Variants in PDE4D observed in about 807,000 individuals in gnomAD.
PDE4D encodes the protein 3',5'-cyclic-AMP phosphodiesterase 4D.
In PDE4D, 24 loss-of-function variants were observed where a neutral mutation model predicts 87.4. The ratio of observed to expected loss-of-function variants is 0.27; its 90% confidence interval spans 0.20 to 0.39. PDE4D has a LOEUF of 0.39. PDE4D is among the 10% of genes least tolerant of loss of function. The probability of loss-of-function intolerance (pLI) is 1.00; values close to 1 mark genes in which losing one functional copy is unlikely to be tolerated. For synonymous variants in PDE4D, 384 were observed against 383.2 expected (o/e 1.00, Z -0.02); for missense variants, 714 against 1,041.0 (o/e 0.69, Z 4.32).
At chr5:59,539,505 C>T (rs1815911295) in intron 1 of PDE4D, among the ~76,000 whole-genome samples, 1 of 152,076 alleles carries the variant, frequency 6.6e-6, no homozygotes, top group Admixed American at 6.6e-5. Flanking sequence ...ATCTGTCTAC[C>T]CATTTCTCTG....
intron 2 of PDE4D, among the ~76,000 whole-genome samples, chr5:60,129,523 C>A (rs1779396523): frequency 6.6e-6 from 1 of 152,130 alleles, no homozygotes; most frequent in Non-Finnish European, 1.5e-5. Context: ...CCAGGTAGGA[C>A]CAGCTACATG....
intron 1 of PDE4D, among the ~76,000 whole-genome samples, chr5:59,622,385 TAAAAC>T (rs1032200724): frequency 3.3e-5 from 5 of 152,192 alleles, no homozygotes; most frequent in Non-Finnish European, 5.9e-5. Context: ...CATCAAAAAG[TAAAAC>T]AAAACAAACA....
intron 2 of PDE4D, among the ~76,000 whole-genome samples, chr5:60,135,326 A>G (rs909816614): frequency 6.6e-6 from 1 of 152,186 alleles, no homozygotes; most frequent in Non-Finnish European, 1.5e-5. Context: ...TAAGCTACTG[A>G]GTGTATGCTA....
intron 5 of PDE4D, among the ~76,000 whole-genome samples, chr5:59,094,337 A>G (rs1180832727): frequency 6.6e-6 from 1 of 151,940 alleles, no homozygotes; most frequent in East Asian, 1.9e-4. Context: ...GTGTGAACAA[A>G]TCTTCTAGAA....
chr5:59,009,961 C>T (rs2936200), intron 6 of PDE4D, among the ~76,000 whole-genome samples: 151,945 of 152,328 alleles, frequency 1, 75,781 homozygotes, highest in Middle Eastern at 1. Context: ...TCCCAGAAAA[C>T]AGGCATACAG....
At chr5:59,055,162 G>A (rs537401111) in intron 5 of PDE4D, among the ~76,000 whole-genome samples, 1 of 152,244 alleles carries the variant, frequency 6.6e-6, no homozygotes, top group South Asian at 2.1e-4. Context: ...ACTGTGGAGG[G>A]TAGGAGCAGA....
intron 2 of PDE4D, among the ~76,000 whole-genome samples, chr5:59,997,539 A>T: frequency 6.6e-6 from 1 of 152,192 alleles, no homozygotes; most frequent in Middle Eastern, 3.2e-3. Flanking sequence ...GGGTATGTAA[A>T]TCTAGAATAA....
intron 1 of PDE4D, among the ~76,000 whole-genome samples, chr5:59,527,972 C>T (rs1345466853): frequency 3.9e-5 from 6 of 152,184 alleles, no homozygotes; most frequent in Non-Finnish European, 1.5e-5. Context: ...CTCAACTCCT[C>T]AACTCCTTTT....
At chr5:59,231,528 A>C (rs914403838) in intron 1 of PDE4D, among the ~76,000 whole-genome samples, 4 of 152,222 alleles carry the variant, frequency 2.6e-5, no homozygotes, top group African/African-American at 9.6e-5. Flanking sequence ...CGTGACTGAG[A>C]GCAAGGAGAG....
intron 1 of PDE4D, among the ~76,000 whole-genome samples, chr5:59,676,772 T>G (rs570877538): frequency 6.6e-6 from 1 of 152,290 alleles, no homozygotes; most frequent in South Asian, 2.1e-4. Context: ...ATTTTTCATT[T>G]CTTTGGGACT....
At chr5:59,472,798 A>T (rs6450519) in intron 1 of PDE4D, among the ~76,000 whole-genome samples, 23,877 of 152,092 alleles carry the variant, frequency 0.16, 2,868 homozygotes, top group African/African-American at 0.34. Flanking sequence ...TTACAAAGGG[A>T]TTAAAAGTTA....
chr5:59,157,359 G>A (rs954210233), intron 5 of PDE4D: 6 of 702,354 alleles, frequency 8.5e-6, no homozygotes, highest in Non-Finnish European at 1.6e-5. Flanking sequence ...TTCCATCCAG[G>A]ATCCTAAGGA....
chr5:59,214,022 C>A (rs1750672497), intron 2 of PDE4D, among the ~76,000 whole-genome samples: 1 of 143,844 alleles, frequency 7.0e-6, no homozygotes, highest in Non-Finnish European at 1.5e-5. Flanking sequence ...CCCCAACATA[C>A]ATACATACTT....
At chr5:59,327,875 G>A (rs538755872) in intron 1 of PDE4D, among the ~76,000 whole-genome samples, 55 of 152,198 alleles carry the variant, frequency 3.6e-4, no homozygotes, top group Admixed American at 5.9e-4. Context: ...CCATTTCTTC[G>A]TCTGAAAAAT....
chr5:59,028,645 G>A (rs1756678092), intron 6 of PDE4D, among the ~76,000 whole-genome samples: 1 of 151,884 alleles, frequency 6.6e-6, no homozygotes, highest in Non-Finnish European at 1.5e-5. Context: ...ATAGTAGGGT[G>A]CTCTAAATCC....
intron 1 of PDE4D, among the ~76,000 whole-genome samples, chr5:59,791,761 G>C (rs577565622): frequency 6.6e-6 from 1 of 152,032 alleles, no homozygotes; most frequent in African/African-American, 2.4e-5. Context: ...AGACAGCCCC[G>C]GGCTTAGAAT....
chr5:59,782,911 TG>T (rs1764772669), intron 1 of PDE4D, among the ~76,000 whole-genome samples: 1 of 152,190 alleles, frequency 6.6e-6, no homozygotes. Context: ...TTTTGCTCTG[TG>T]GGTTTATATT....
intron 1 of PDE4D, among the ~76,000 whole-genome samples, chr5:59,663,208 A>G (rs1745531384): frequency 6.6e-6 from 1 of 152,082 alleles, no homozygotes; most frequent in Non-Finnish European, 1.5e-5. Flanking sequence ...TCTGTCTCCA[A>G]GGCTGGAGTA....
intron 3 of PDE4D, among the ~76,000 whole-genome samples, chr5:59,968,038 G>A (rs1760256532): frequency 7.8e-6 from 1 of 127,450 alleles, no homozygotes; most frequent in Non-Finnish European, 1.6e-5. Context: ...AGGCTGGAGT[G>A]CAATGACCCG....
Sources: allele counts gnomAD v4.1 joint callset (sites outside exome capture counted in the v4.1 genomes callset), GRCh38; gene constraint gnomAD v4.1.1; transcripts MANE v1.5; gene names NCBI Gene and HGNC (gene_info 2026-07-23, HGNC 2026-07-21).